AFF3: variants seen among roughly 807,000 people sequenced by gnomAD.
The protein encoded by AFF3 is AF4/FMR2 family member 3.
In AFF3, 32 loss-of-function variants were observed where a neutral mutation model predicts 129.7. That is an observed-to-expected ratio of 0.25 (90% CI 0.19 to 0.33). The LOEUF (loss-of-function observed/expected upper bound fraction) is 0.33. Ranked by LOEUF, AFF3 falls within the 10% of genes least tolerant of loss-of-function variation. The pLI is 1.00. For missense variants in AFF3, 1,373 were observed against 1,592.0 expected (o/e 0.86, Z 2.34); for synonymous variants, 644 against 635.4 (o/e 1.01, Z -0.20).
intron 7 of AFF3, among the ~76,000 whole-genome samples, chr2:99,925,808 G>A (rs1404463690): frequency 6.6e-6 from 1 of 152,182 alleles, no homozygotes; most frequent in Non-Finnish European, 1.5e-5. Flanking sequence ...GCACAGAGGA[G>A]ACATTCAGTG....
intron 7 of AFF3, among the ~76,000 whole-genome samples, chr2:99,954,570 G>A (rs906135608): frequency 6.6e-6 from 1 of 151,910 alleles, no homozygotes; most frequent in African/African-American, 2.4e-5. Flanking sequence ...ATACACCATG[G>A]AATACTATGC....
intron 4 of AFF3, among the ~76,000 whole-genome samples, chr2:100,023,814 A>C (rs1441924189): frequency 6.6e-6 from 1 of 152,264 alleles, no homozygotes; most frequent in Non-Finnish European, 1.5e-5. Flanking sequence ...GACGACTAAC[A>C]TAGCCACCAT....
At chr2:99,898,688 A>T (rs1694149650) in intron 7 of AFF3, among the ~76,000 whole-genome samples, 1 of 152,160 alleles carries the variant, frequency 6.6e-6, no homozygotes, top group South Asian at 2.1e-4. Context: ...CCGGATACTG[A>T]GGAAGCCCAT....
At chr2:99,720,782 C>A (rs894982005) in intron 11 of AFF3, among the ~76,000 whole-genome samples, 1 of 152,246 alleles carries the variant, frequency 6.6e-6, no homozygotes, top group African/African-American at 2.4e-5. Context: ...ACAATGACTT[C>A]TTAGCTCTGC....
intron 1 of AFF3, among the ~76,000 whole-genome samples, chr2:100,139,759 C>T (rs1692787462): frequency 6.6e-6 from 1 of 151,190 alleles, no homozygotes; most frequent in Non-Finnish European, 1.5e-5. Flanking sequence ...TCACTAATAA[C>T]CAAAAAAAAG....
rs546500442 is a variant in AFF3 at position 99,847,287 on chromosome 2, C to T, written c.874-9763G>A. ...GCCTCCTGGGTTCCAGCAATTCTCC[C>T]GCCTCAGCCTCCAGAGTAGCTGGGA... On this transcript the variant is annotated intron_variant, in intron 7 of 24. Transcript: ENST00000672756. Among the ~76,000 whole-genome samples the T allele has an allele frequency of 5.9e-5, 9 of 151,886 alleles. No homozygotes were observed. The South Asian group carries it at 8.3e-4, about 14-fold the overall frequency.
intron 3 of AFF3, chr2:100,104,823 G>GCCGCCGCCT: frequency 1.7e-6 from 1 of 602,854 alleles, no homozygotes; most frequent in Non-Finnish European, 2.0e-6. Flanking sequence ...CGCCGCCGCC[G>GCCGCCGCCT]CGGTGCTCTG....
chr2:100,035,911 A>G (rs1377219445), intron 4 of AFF3, among the ~76,000 whole-genome samples: 1 of 152,126 alleles, frequency 6.6e-6, no homozygotes, highest in Non-Finnish European at 1.5e-5. Flanking sequence ...GTCTGTTACA[A>G]TAGTACACTG....
At chr2:99,834,588 CA>C (rs751375156) in intron 8 of AFF3, among the ~76,000 whole-genome samples, 4 of 152,172 alleles carry the variant, frequency 2.6e-5, no homozygotes, top group Non-Finnish European at 5.9e-5. Flanking sequence ...TCTACTCCAC[CA>C]AAAGGGCACT....
chr2:99,709,751 A>G (rs1035992044), intron 11 of AFF3, among the ~76,000 whole-genome samples: 1 of 151,982 alleles, frequency 6.6e-6, no homozygotes, highest in South Asian at 2.1e-4. Flanking sequence ...TTATTATTCT[A>G]TTTACTCCCA....
In AFF3 at chr2:99,546,648, C is replaced by T. The variant is rs192895152; in HGVS notation, c.*4826G>A. The T allele has an allele frequency of 8.6e-6, 2 of 231,324 alleles. No homozygotes were observed. Among genetic ancestry groups the T allele is most frequent in the Non-Finnish European group, 1.7e-5 (2 of 117,036 alleles). 14.3% of individuals were successfully genotyped at this position (231,324 alleles called of 1,614,324 possible). On this transcript the variant is annotated 3_prime_UTR_variant, in exon 25 of 25. Transcript: ENST00000672756. ...ACTAAAAATGAAGTTAACAAACTTA[C>T]CCTCCCACATAGGGGATGCTTCATG... is the stretch of plus-strand genomic sequence containing the variant.
intron 7 of AFF3, among the ~76,000 whole-genome samples, chr2:99,999,151 C>T (rs769684496): frequency 6.6e-6 from 1 of 152,250 alleles, no homozygotes; most frequent in Non-Finnish European, 1.5e-5. Flanking sequence ...CCACTCAGAG[C>T]ACTGCCTGTT....
At chr2:99,637,701 G>T (rs62154528) in intron 13 of AFF3, among the ~76,000 whole-genome samples, 5,378 of 152,198 alleles carry the variant, frequency 0.035, 117 homozygotes, top group Non-Finnish European at 0.044. Flanking sequence ...TTCAGAAATA[G>T]ATATTTTAAA....
At chr2:99,872,846 T>G (rs1001190854) in intron 7 of AFF3, among the ~76,000 whole-genome samples, 1 of 152,162 alleles carries the variant, frequency 6.6e-6, no homozygotes, top group Non-Finnish European at 1.5e-5. Context: ...TCTTTAAGTA[T>G]TTAAGTTAAA....
chr2:99,727,154 C>T (rs779583897), intron 10 of AFF3, 26 bp from the exon 11 acceptor site: 54 of 1,599,518 alleles, frequency 3.4e-5, no homozygotes, highest in Non-Finnish European at 4.5e-5. Context: ...GAAAAAAATA[C>T]CGACATATGA....
chr2:99,875,933 C>T (rs1030449286), intron 7 of AFF3, among the ~76,000 whole-genome samples: 2 of 152,154 alleles, frequency 1.3e-5, no homozygotes, highest in East Asian at 3.8e-4. Context: ...CAGGCTTTTC[C>T]ATCTTTCCCT....
chr2:99,606,562 T>TA (rs965659854), intron 13 of AFF3, among the ~76,000 whole-genome samples: 21 of 151,680 alleles, frequency 1.4e-4, no homozygotes, highest in African/African-American at 3.2e-4. Flanking sequence ...GTTTTTTTTT[T>TA]AAAAAAGAGA....
intron 11 of AFF3, among the ~76,000 whole-genome samples, chr2:99,685,909 G>C (rs550985816): frequency 6.6e-6 from 1 of 152,050 alleles, no homozygotes; most frequent in Non-Finnish European, 1.5e-5. Context: ...GATCCAGGCC[G>C]GGCATGGTGG....
chr2:99,556,826 G>A (rs1674970626), intron 22 of AFF3, among the ~76,000 whole-genome samples: 2 of 152,038 alleles, frequency 1.3e-5, no homozygotes, highest in South Asian at 4.1e-4. Context: ...GGAGGCTGAG[G>A]TGGGAGGACT....
Sources: gnomAD v4.1 joint callset for allele counts (sites outside exome capture counted in the v4.1 genomes callset) on GRCh38, gnomAD v4.1.1 for gene constraint, MANE v1.5 for transcripts, NCBI Gene and HGNC (gene_info 2026-07-23, HGNC 2026-07-21) for gene names.